The following FBRSL1 variants were observed in gnomAD, a reference collection of about 807,000 sequenced individuals.
FBRSL1 encodes the protein fibrosin like 1.
FBRSL1 carries 51 observed loss-of-function variants against 89.6 expected under a neutral mutation model. The observed-to-expected ratio is 0.57, with a 90% CI of 0.45 to 0.72. The LOEUF (loss-of-function observed/expected upper bound fraction) is 0.72. FBRSL1 is among the 30% of genes least tolerant of loss of function. The pLI is 0.00. For missense variants in FBRSL1, 1,618 were observed against 1,451.8 expected, an observed-to-expected ratio of 1.11 and a Z score of -1.86; for synonymous variants, 779 against 681.1, an observed-to-expected ratio of 1.14 and a Z score of -2.24.
In FBRSL1 at chr12:132,536,173, C is replaced by T. The variant is rs535013166; in HGVS notation, c.615+8185C>T. Among the ~76,000 whole-genome samples, 16 of 140,486 alleles carry T rather than the reference C, an allele frequency of 1.1e-4. No homozygotes were observed. In the South Asian group the frequency reaches 1.6e-3, roughly 14 times the overall value. The allele number at this position is 140,486 out of a possible 152,430, so 92.2% of individuals were successfully genotyped here. A position where few individuals can be genotyped will look rare whatever the true frequency, so the allele number is the denominator to read the frequency against. ...GTGCACGTGTGCATGACTGTGTACA[C>T]GATGGTGTGTGAGTGCACATGTACA... On this transcript the variant is annotated intron_variant, in intron 4 of 18. Transcript: ENST00000680143.
chr12:132,557,467 CTG>C (rs1248303231), intron 5 of FBRSL1, among the ~76,000 whole-genome samples: 1 of 152,194 alleles, frequency 6.6e-6, no homozygotes, highest in African/African-American at 2.4e-5. Flanking sequence ...CACCCCCAAA[CTG>C]GGGCGCAGGG....
At chr12:132,510,039 G>A (rs889369585) in intron 2 of FBRSL1, 43 of 1,231,172 alleles carry the variant, frequency 3.5e-5, no homozygotes, top group East Asian at 9.5e-5. Flanking sequence ...AGAGCAGCCC[G>A]GCCCACTCAC....
At chr12:132,562,126 G>A (rs1037174224) in intron 5 of FBRSL1, among the ~76,000 whole-genome samples, 2 of 152,164 alleles carry the variant, frequency 1.3e-5, no homozygotes, top group Non-Finnish European at 2.9e-5. Flanking sequence ...TGGTCACTGC[G>A]TAGCCTGGGT....
rs1473089249 is a variant in FBRSL1, at chr12:132,583,278, C to G, written c.2509C>G (p.Gln837Glu). 5 of 1,276,474 alleles carry G rather than the reference C, an allele frequency of 3.9e-6. No individual in the cohort carries two copies. Among genetic ancestry groups the G allele is most frequent in the Non-Finnish European group, 4.9e-6 (5 of 1,010,766 alleles). 79.1% of individuals were successfully genotyped at this position (1,276,474 alleles called of 1,614,324 possible). A position where few individuals can be genotyped will look rare whatever the true frequency, so the allele number is the denominator to read the frequency against. The part of the protein sequence containing the change: ...PAGGLHPAPL[Q>E]LGLGRERLGA... ...GGGCGGCCTGCACCCCGCGCCCCTG[C>G]AGCTCGGCCTGGGCCGCGAGCGCCT... is the stretch of plus-strand genomic sequence containing the variant. Residue 837 changes from glutamine to glutamate, a missense_variant, in exon 19 of 19, where the codon CAG (glutamine) becomes GAG (glutamate). Coordinates refer to ENST00000680143, the MANE Select transcript of FBRSL1 (RefSeq NM_001367871.1).
At chr12:132,575,274 C>G (rs1343570998) in intron 14 of FBRSL1, among the ~76,000 whole-genome samples, 1 of 152,242 alleles carries the variant, frequency 6.6e-6, no homozygotes, top group Non-Finnish European at 1.5e-5. Context: ...GTCGCCCAGG[C>G]TGGAGTGCAG....
chr12:132,538,637 C>T (rs1289126703), intron 4 of FBRSL1, among the ~76,000 whole-genome samples: 1 of 152,220 alleles, frequency 6.6e-6, no homozygotes, highest in Non-Finnish European at 1.5e-5. Flanking sequence ...GGAGGGTGCA[C>T]AGGCAAGTCC....
chr12:132,561,634 G>A lies in FBRSL1; in HGVS notation c.646-5847G>A, dbSNP rs1214949097. On this transcript the variant is annotated intron_variant, in intron 5 of 18. Transcript: ENST00000680143. ...CCCTGGAGAGTCCTGGCGGCGTGGT[G>A]GGGCCTGCTGCCCCAACCACAGAGG... 3.3e-5 allele frequency among the ~76,000 whole-genome samples: 5 copies of A among 152,290 alleles called. No homozygotes were observed. The East Asian group carries it at 9.7e-4, about 30-fold the overall frequency.
Position 132,571,180 on chromosome 12 carries a change from G to A in FBRSL1, c.1326G>A (p.Pro442=), listed in dbSNP as rs1401471128. The change falls in exon 9 of 19, where the codon CCG becomes CCA. Residue 442 remains proline, a synonymous_variant. Transcript: ENST00000680143. The part of the protein sequence containing the change: ...QAPLLPAPLG[P]HVASGHPGLA... ...CTCTCTTACCTGCACCCCTGGGCCC[G>A]CACGTGGCGAGCGGCCACCCCGGCT... is the stretch of plus-strand genomic sequence containing the variant. 5.2e-5 allele frequency: 74 copies of A among 1,430,222 alleles called. No homozygotes were observed. Among genetic ancestry groups the A allele is most frequent in the Admixed American group, 8.4e-5 (3 of 35,796 alleles). The allele number at this position is 1,430,222 out of a possible 1,614,324, so 88.6% of individuals were successfully genotyped here.
intron 1 of FBRSL1, among the ~76,000 whole-genome samples, chr12:132,492,784 T>C (rs1363692402): frequency 2.6e-5 from 4 of 152,292 alleles, no homozygotes; most frequent in African/African-American, 7.2e-5. Flanking sequence ...CCCAGGGTGG[T>C]TTCATGTCCC....
At chr12:132,575,992 T>G (rs1710399318) in intron 14 of FBRSL1, among the ~76,000 whole-genome samples, 1 of 152,128 alleles carries the variant, frequency 6.6e-6, no homozygotes, top group South Asian at 2.1e-4. Flanking sequence ...ATCCCCAGTC[T>G]CCACCCAAGC....
chr12:132,540,772 A>T (rs1413901981), intron 4 of FBRSL1, among the ~76,000 whole-genome samples: 18 of 151,870 alleles, frequency 1.2e-4, no homozygotes, highest in Non-Finnish European at 2.9e-5. Flanking sequence ...CCCCTCCCCG[A>T]TGGCAGGAGG....
intron 2 of FBRSL1, 140 bp from the exon 3 acceptor site, chr12:132,525,594 A>G (rs1429322894): frequency 2.0e-5 from 13 of 666,488 alleles, no homozygotes; most frequent in Non-Finnish European, 3.2e-5. Flanking sequence ...GTCACATCCC[A>G]AAGCGCCCAG....
rs754682796 is a variant in FBRSL1 at position 132,570,571 on chromosome 12, G to A, written c.1213+31G>A. 230 of 1,468,364 alleles carry A rather than the reference G, an allele frequency of 1.6e-4. 3 individuals carry two copies. In the Middle Eastern group the frequency reaches 5.7e-3, roughly 36 times the overall value. 91.0% of individuals were successfully genotyped at this position (1,468,364 alleles called of 1,614,324 possible). ...TGTCTCGGCCACAATCTCGCCCAGG[G>A]CAGGGGTTGGGGGGTGCGGGGACAC... On this transcript the variant is annotated intron_variant, in intron 8 of 18. Coordinates refer to ENST00000680143, the MANE Select transcript of FBRSL1 (RefSeq NM_001367871.1).
chr12:132,553,507 GAAGGGACAGC>G (rs929565679), intron 5 of FBRSL1: 1 of 152,254 alleles, frequency 6.6e-6, no homozygotes, highest in Non-Finnish European at 1.5e-5. Flanking sequence ...CTGGGGACAG[GAAGGGACAGC>G]ACCCCACCCT....
intron 1 of FBRSL1, among the ~76,000 whole-genome samples, chr12:132,505,842 G>T (rs977072570): frequency 1.3e-5 from 2 of 152,236 alleles, no homozygotes; most frequent in African/African-American, 2.4e-5. Context: ...CCAGGCCTGG[G>T]TACCTTTCCC....
intron 2 of FBRSL1, chr12:132,509,658 C>A: frequency 8.1e-7 from 1 of 1,231,876 alleles, no homozygotes; most frequent in Non-Finnish European, 1.0e-6. Context: ...GCGGTTCCTC[C>A]TGGCCCCAAG....
intron 5 of FBRSL1, among the ~76,000 whole-genome samples, chr12:132,557,262 C>T (rs1423344319): frequency 6.6e-6 from 1 of 152,236 alleles, no homozygotes; most frequent in African/African-American, 2.4e-5. Context: ...AAGTCCCTAA[C>T]TGGATTATGT....
Position 132,583,756 on chromosome 12 carries a change from C to T in FBRSL1, c.2987C>T (p.Pro996Leu), listed in dbSNP as rs1342032581. 25 of 1,217,396 alleles carry T rather than the reference C, an allele frequency of 2.1e-5. No homozygotes were observed. Among genetic ancestry groups the T allele is most frequent in the Admixed American group, 1.3e-4 (3 of 23,132 alleles). 75.4% of individuals were successfully genotyped at this position (1,217,396 alleles called of 1,614,324 possible). A position where few individuals can be genotyped will look rare whatever the true frequency, so the allele number is the denominator to read the frequency against. ...CGCGACTACTCCCCGTCCCGAAATC[C>T]CCCGGAGGTGGAGGCGCGGTAGCCC... ...EARDYSPSRN[P>L]PEVEAR Residue 996 changes from proline (P) to leucine (L), a missense_variant, in exon 19 of 19, where the codon CCC becomes CTC. Pro to Leu is a moderately conservative substitution (Grantham distance 98, BLOSUM62 -3). Coordinates refer to ENST00000680143, the MANE Select transcript of FBRSL1 (RefSeq NM_001367871.1).
chr12:132,569,871 G>A (rs3751316), intron 6 of FBRSL1, 55 bp from the exon 7 acceptor site: 491,519 of 1,288,226 alleles, frequency 0.38, 95,009 homozygotes, highest in South Asian at 0.46. Flanking sequence ...CTGGGCCACA[G>A]GAGGGGCAGG....
Sources: gnomAD v4.1 joint callset for allele counts (sites outside exome capture counted in the v4.1 genomes callset) on GRCh38, gnomAD v4.1.1 for gene constraint, MANE v1.5 for transcripts, NCBI Gene and HGNC (gene_info 2026-07-23, HGNC 2026-07-21) for gene names.